TENM3: variants seen among roughly 807,000 people sequenced by gnomAD.
TENM3 encodes teneurin transmembrane protein 3, also known as teneurin-3.
In TENM3, 63 loss-of-function variants were observed where a neutral mutation model predicts 255.1. The observed-to-expected ratio is 0.25, with a 90% CI of 0.20 to 0.30. The LOEUF is 0.30. Among genes scored for constraint, TENM3 ranks in the 10% least tolerant of loss-of-function variants. The pLI, the probability that TENM3 is intolerant of heterozygous loss-of-function variation, is 1.00. For missense variants in TENM3, 2,929 were observed against 3,461.1 expected (o/e 0.85, Z 3.86); for synonymous variants, 1,306 against 1,322.3 (o/e 0.99, Z 0.27).
chr4:181,851,608 ACACG>A, the TENM3 span, among the ~76,000 whole-genome samples: 38 of 152,204 alleles, frequency 2.5e-4, no homozygotes, highest in South Asian at 1.0e-3. Flanking sequence ...GCAAACGCAC[ACACG>A]CACGCACGCA....
chr4:182,797,439 CA>C (rs573944370), intron 27 of TENM3, among the ~76,000 whole-genome samples: 8 of 145,520 alleles, frequency 5.5e-5, no homozygotes, highest in South Asian at 2.2e-4. Context: ...AACTCCGTCT[CA>C]AAAAAAAAAT....
At chr4:182,524,105 T>C (rs1250023170) in intron 3 of TENM3, among the ~76,000 whole-genome samples, 1 of 152,180 alleles carries the variant, frequency 6.6e-6, no homozygotes, top group African/African-American at 2.4e-5. Flanking sequence ...GATGCAGTCA[T>C]CCTCTTTTTA....
chr4:181,689,409 T>C, the TENM3 span, among the ~76,000 whole-genome samples: 1 of 152,194 alleles, frequency 6.6e-6, no homozygotes, highest in African/African-American at 2.4e-5. Flanking sequence ...AAGCCACACC[T>C]GTCAAGATGG....
chr4:182,491,725 C>T (rs1184003936), intron 3 of TENM3, among the ~76,000 whole-genome samples: 1 of 152,102 alleles, frequency 6.6e-6, no homozygotes, highest in Non-Finnish European at 1.5e-5. Flanking sequence ...AAACTGTTCA[C>T]CATAGATGTT....
At chr4:181,448,739 G>A in the TENM3 span, among the ~76,000 whole-genome samples, 1 of 151,994 alleles carries the variant, frequency 6.6e-6, no homozygotes, top group Non-Finnish European at 1.5e-5. Context: ...AATTTTTATT[G>A]TTATACTATT....
intron 1 of TENM3, among the ~76,000 whole-genome samples, chr4:182,272,442 G>T (rs923484737): frequency 6.6e-6 from 1 of 152,178 alleles, no homozygotes; most frequent in Non-Finnish European, 1.5e-5. Context: ...GAAATGAGAC[G>T]AGAGCAAATC....
At chr4:182,781,469 T>C (rs1765161473) in intron 24 of TENM3, among the ~76,000 whole-genome samples, 1 of 151,524 alleles carries the variant, frequency 6.6e-6, no homozygotes, top group African/African-American at 2.4e-5. Context: ...CAGTATTTTA[T>C]TGAGGATTTT....
intron 25 of TENM3, among the ~76,000 whole-genome samples, chr4:182,790,573 G>A (rs564256990): frequency 2.0e-4 from 30 of 152,214 alleles, no homozygotes; most frequent in Admixed American, 1.6e-3. Flanking sequence ...TCTGGGATGC[G>A]TCCAGCTAGG....
chr4:182,190,806 G>T (rs1753472741), intron 1 of TENM3, among the ~76,000 whole-genome samples: 1 of 152,126 alleles, frequency 6.6e-6, no homozygotes, highest in Non-Finnish European at 1.5e-5. Flanking sequence ...ATGGGGGCAA[G>T]GGGCATTTGA....
chr4:182,735,659 AAGT>A (rs1761107250), intron 16 of TENM3, among the ~76,000 whole-genome samples: 2 of 152,158 alleles, frequency 1.3e-5, no homozygotes, highest in South Asian at 4.1e-4. Flanking sequence ...TTCGTGGAGA[AAGT>A]AGTGAGTTCC....
At chr4:181,600,640 T>C in the TENM3 span, among the ~76,000 whole-genome samples, 1 of 151,726 alleles carries the variant, frequency 6.6e-6, no homozygotes, top group African/African-American at 2.4e-5. Flanking sequence ...TGGCCCTTGA[T>C]GCTGGGGCTT....
At chr4:182,532,253 A>T (rs1224433476) in intron 3 of TENM3, among the ~76,000 whole-genome samples, 1 of 152,092 alleles carries the variant, frequency 6.6e-6, no homozygotes, top group African/African-American at 2.4e-5. Flanking sequence ...TCAGCTGCAT[A>T]CTCTCTCTGT....
intron 13 of TENM3, among the ~76,000 whole-genome samples, chr4:182,725,297 A>T (rs1400791865): frequency 6.6e-6 from 1 of 152,168 alleles, no homozygotes. Context: ...AAGTTCTGGG[A>T]TTACAGGCAT....
chr4:181,665,471 G>T, the TENM3 span, among the ~76,000 whole-genome samples: 10 of 151,942 alleles, frequency 6.6e-5, no homozygotes, highest in East Asian at 1.6e-3. Flanking sequence ...TATATATATT[G>T]TACGTGTACA....
At chr4:182,502,910 CTTT>C (rs10671906) in intron 3 of TENM3, among the ~76,000 whole-genome samples, 1,252 of 77,200 alleles carry the variant, frequency 0.016, 14 homozygotes, top group East Asian at 0.042. Context: ...TGAAGTCAGC[CTTT>C]TTTTTTTTTT....
intron 2 of TENM3, among the ~76,000 whole-genome samples, chr4:182,346,265 G>A (rs1286425642): frequency 6.6e-6 from 1 of 152,068 alleles, no homozygotes; most frequent in African/African-American, 2.4e-5. Context: ...TATTGTTGGG[G>A]ACTCGAGCCA....
chr4:181,493,218 C>T, the TENM3 span, among the ~76,000 whole-genome samples: 1 of 149,926 alleles, frequency 6.7e-6, no homozygotes, highest in Admixed American at 6.6e-5. Flanking sequence ...ATCACTTGAA[C>T]CCAGGAGTTC....
the TENM3 span, among the ~76,000 whole-genome samples, chr4:181,760,561 A>G: frequency 1.3e-5 from 2 of 152,178 alleles, no homozygotes; most frequent in Non-Finnish European, 2.9e-5. Flanking sequence ...TGGTTATGAT[A>G]GTGGGATCTA....
At chr4:181,562,985 C>T in the TENM3 span, among the ~76,000 whole-genome samples, 47 of 152,256 alleles carry the variant, frequency 3.1e-4, no homozygotes, top group East Asian at 7.7e-3. Context: ...CTTCTTAGGG[C>T]CACTGGGGAG....
Sources: gnomAD v4.1 joint callset for allele counts (sites outside exome capture counted in the v4.1 genomes callset) on GRCh38, gnomAD v4.1.1 for gene constraint, MANE v1.5 for transcripts, NCBI Gene and HGNC (gene_info 2026-07-23, HGNC 2026-07-21) for gene names.